SAMD12: variants seen among roughly 807,000 people sequenced by gnomAD.
The protein encoded by SAMD12 is sterile alpha motif domain containing 12.
In SAMD12, 9 loss-of-function variants were observed where a neutral mutation model predicts 15.0. The ratio of observed to expected loss-of-function variants is 0.60; its 90% CI spans 0.36 to 1.05. The LOEUF (loss-of-function observed/expected upper bound fraction) is 1.05, where lower values mean the gene tolerates loss of function less well. SAMD12 is among the 50% of genes least tolerant of loss of function. The pLI is 0.01. For missense variants in SAMD12, 230 were observed against 234.2 expected, an observed-to-expected ratio of 0.98 and a Z score of 0.12; for synonymous variants, 86 against 90.1, an observed-to-expected ratio of 0.96 and a Z score of 0.25.
At chr8:118,239,368 A>C (rs1812515993) in intron 4 of SAMD12, among the ~76,000 whole-genome samples, 1 of 152,178 alleles carries the variant, frequency 6.6e-6, no homozygotes, top group Admixed American at 6.5e-5. Context: ...TTAAACAAAT[A>C]ATTGCATATA....
the SAMD12 span, among the ~76,000 whole-genome samples, chr8:118,137,701 G>A: frequency 8.0e-4 from 122 of 152,256 alleles, no homozygotes; most frequent in African/African-American, 2.6e-3. Flanking sequence ...CACATTGGAA[G>A]AAGAATTGTC....
chr8:118,593,050 A>T (rs1303184557), intron 1 of SAMD12, among the ~76,000 whole-genome samples: 1 of 152,206 alleles, frequency 6.6e-6, no homozygotes. Flanking sequence ...TCATAGTAAC[A>T]TTCAGACTAA....
At chr8:118,388,869 A>C (rs184084251) in intron 3 of SAMD12, among the ~76,000 whole-genome samples, 2 of 152,324 alleles carry the variant, frequency 1.3e-5, no homozygotes. Flanking sequence ...GCTGGGAAAG[A>C]GTAAAGTAGG....
chr8:118,584,097 C>T (rs1827365470), intron 1 of SAMD12, among the ~76,000 whole-genome samples: 2 of 152,206 alleles, frequency 1.3e-5, no homozygotes, highest in Admixed American at 6.5e-5. Flanking sequence ...TATCTATAAA[C>T]AGGAGGCAGA....
At chr8:118,562,157 T>C (rs1826719090) in intron 2 of SAMD12, among the ~76,000 whole-genome samples, 1 of 152,114 alleles carries the variant, frequency 6.6e-6, no homozygotes, top group Non-Finnish European at 1.5e-5. Flanking sequence ...GGCTTATGAG[T>C]TCCTGAAGAT....
At chr8:118,309,242 G>A (rs907658398) in intron 4 of SAMD12, among the ~76,000 whole-genome samples, 3 of 152,100 alleles carry the variant, frequency 2.0e-5, no homozygotes, top group African/African-American at 7.2e-5. Flanking sequence ...AACATACAAT[G>A]TTTGGTTTTC....
intron 4 of SAMD12, among the ~76,000 whole-genome samples, chr8:118,368,797 A>G (rs1818932905): frequency 6.6e-6 from 1 of 152,216 alleles, no homozygotes; most frequent in African/African-American, 2.4e-5. Context: ...CGCTAGCACT[A>G]TGCAAAGTAA....
In SAMD12 at chr8:118,214,046, G is replaced by A. The variant is rs1811900063; in HGVS notation, c.434-16314C>T. On this transcript the variant is annotated intron_variant, in intron 4 of 4. Coordinates refer to the SAMD12 transcript ENST00000409003. ...TGAGAGTAGAGTTCATGAGTTTGAT[G>A]CAAATATACTTGTGATACTGTCAAG... is the stretch of plus-strand genomic sequence containing the variant. Among the ~76,000 whole-genome samples the A allele has an allele frequency of 2.0e-5, 3 of 152,280 alleles. No individual in the cohort carries two copies. The South Asian group carries it at 6.2e-4, about 32-fold the overall frequency.
intron 2 of SAMD12, among the ~76,000 whole-genome samples, chr8:118,571,730 G>T (rs1319255438): frequency 6.6e-6 from 1 of 152,218 alleles, no homozygotes; most frequent in Non-Finnish European, 1.5e-5. Flanking sequence ...CAGGAGTCAA[G>T]AATTGGGGTC....
chr8:118,576,012 G>A (rs1427488869), intron 2 of SAMD12, among the ~76,000 whole-genome samples: 1 of 151,748 alleles, frequency 6.6e-6, no homozygotes, highest in South Asian at 2.1e-4. Flanking sequence ...TTAAATGACT[G>A]AAGTCCTTGT....
intron 4 of SAMD12, among the ~76,000 whole-genome samples, chr8:118,355,273 A>T (rs1818175899): frequency 6.6e-6 from 1 of 152,208 alleles, no homozygotes; most frequent in Non-Finnish European, 1.5e-5. Flanking sequence ...ATTCTAAGTG[A>T]AGTAACTCAG....
chr8:118,348,377 CT>C (rs113186433), intron 4 of SAMD12, among the ~76,000 whole-genome samples: 42 of 146,790 alleles, frequency 2.9e-4, no homozygotes, highest in South Asian at 4.4e-4. Flanking sequence ...CCACTTATTA[CT>C]TTTTTTTTTT....
In SAMD12 at chr8:118,522,175, CACAT is replaced by C. The variant is rs746112473; in HGVS notation, c.192+58536_192+58539del. ...TCAGTGAAACACACACACACACACA[CACAT>C]ACACACACACACACACACATACACA... On this transcript the variant is annotated intron_variant, in intron 2 of 3. Transcript: ENST00000314727. 4.3e-4 allele frequency among the ~76,000 whole-genome samples: 8 copies of C among 18,686 alleles called. No individual in the cohort carries two copies. In the African/African-American group the frequency reaches 4.3e-3, roughly 10 times the overall value. 12.3% of individuals were successfully genotyped at this position (18,686 alleles called of 152,430 possible).
intron 2 of SAMD12, among the ~76,000 whole-genome samples, chr8:118,569,738 T>C (rs556594828): frequency 3.3e-5 from 5 of 152,262 alleles, no homozygotes; most frequent in African/African-American, 1.2e-4. Flanking sequence ...AGCATCCTCA[T>C]TGGAACTGAC....
chr8:118,356,606 C>T (rs116647657), intron 4 of SAMD12, among the ~76,000 whole-genome samples: 14 of 152,234 alleles, frequency 9.2e-5, no homozygotes, highest in African/African-American at 3.4e-4. Context: ...ATCGAGTGAC[C>T]GCACCACTCC....
At chr8:118,604,790 C>T (rs56709533) in intron 1 of SAMD12, among the ~76,000 whole-genome samples, 1 of 151,862 alleles carries the variant, frequency 6.6e-6, no homozygotes, top group African/African-American at 2.4e-5. Flanking sequence ...GGCGTGGTGG[C>T]GGGAGCCTGT....
At chr8:118,559,671 TTTG>T (rs1826651158) in intron 2 of SAMD12, among the ~76,000 whole-genome samples, 2 of 152,302 alleles carry the variant, frequency 1.3e-5, no homozygotes, top group East Asian at 3.9e-4. Flanking sequence ...GCTACAAGTG[TTTG>T]CTGTAATTAA....
chr8:118,188,437 C>T (rs1036344808), downstream of SAMD12, among the ~76,000 whole-genome samples: 6 of 152,102 alleles, frequency 3.9e-5, no homozygotes, highest in South Asian at 2.1e-4. Context: ...AAGATTTATA[C>T]GTGGAGTCAG....
At chr8:118,383,382 C>G (rs1819773392) in intron 3 of SAMD12, among the ~76,000 whole-genome samples, 1 of 152,156 alleles carries the variant, frequency 6.6e-6, no homozygotes, top group Non-Finnish European at 1.5e-5. Context: ...CACCAGGAAG[C>G]TGTTAATGAG....
Sources: gnomAD v4.1 joint callset for allele counts (sites outside exome capture counted in the v4.1 genomes callset) on GRCh38, gnomAD v4.1.1 for gene constraint, MANE v1.5 for transcripts, NCBI Gene and HGNC (gene_info 2026-07-23, HGNC 2026-07-21) for gene names.